Variants in DGKH observed in about 807,000 individuals in gnomAD.
The protein encoded by DGKH is diacylglycerol kinase eta, also known as DAG kinase eta.
DGKH carries 90 observed loss-of-function variants against 159.3 expected under a neutral mutation model. The observed-to-expected ratio is 0.57, with a 90% CI of 0.48 to 0.67. The LOEUF (loss-of-function observed/expected upper bound fraction) is 0.67, where lower values mean the gene tolerates loss of function less well. Among genes scored for constraint, DGKH ranks in the 30% least tolerant of loss-of-function variants. The pLI, the probability that DGKH is intolerant of heterozygous loss-of-function variation, is 0.00. For synonymous variants in DGKH, 536 were observed against 553.8 expected (o/e 0.97, Z 0.45); for missense variants, 1,181 against 1,506.1 (o/e 0.78, Z 3.57).
chr13:42,111,823 C>T (rs1336854444), intron 1 of DGKH, among the ~76,000 whole-genome samples: 1 of 152,216 alleles, frequency 6.6e-6, no homozygotes, highest in African/African-American at 2.4e-5. Flanking sequence ...CAGGTTTGCA[C>T]AGGCTGCAGC....
At chr13:42,225,221 C>T in intron 29 of DGKH, 1 of 1,505,776 alleles carries the variant, frequency 6.6e-7, no homozygotes, top group Non-Finnish European at 9.0e-7. Context: ...CCATGCCCAG[C>T]CAGGAAAGTA....
chr13:42,093,807 T>C (rs970703136), intron 1 of DGKH, among the ~76,000 whole-genome samples: 1 of 152,114 alleles, frequency 6.6e-6, no homozygotes, highest in Non-Finnish European at 1.5e-5. Flanking sequence ...CCTCGAGTAG[T>C]CGAACTTACA....
intron 1 of DGKH, among the ~76,000 whole-genome samples, chr13:42,112,935 C>A (rs1033313579): frequency 1.3e-5 from 2 of 152,214 alleles, no homozygotes; most frequent in African/African-American, 4.8e-5. Context: ...GAGTCCAGTA[C>A]CCATGCAGCT....
chr13:42,107,427 C>T (rs1954780943), intron 1 of DGKH, among the ~76,000 whole-genome samples: 1 of 152,176 alleles, frequency 6.6e-6, no homozygotes, highest in East Asian at 1.9e-4. Flanking sequence ...AGTGGGAGGC[C>T]TTCCATGCCG....
At chr13:42,103,642 C>T (rs925586595) in intron 1 of DGKH, among the ~76,000 whole-genome samples, 2 of 152,196 alleles carry the variant, frequency 1.3e-5, no homozygotes, top group Non-Finnish European at 2.9e-5. Flanking sequence ...CTCCACTTAC[C>T]TCTGATTGGC....
chr13:42,155,769 G>A lies in DGKH; in HGVS notation c.592G>A (p.Gly198Arg). 1 of 1,614,050 alleles carries A rather than the reference G, an allele frequency of 6.2e-7. No homozygotes were observed. Among genetic ancestry groups the A allele is most frequent in the East Asian group, 2.2e-5 (1 of 44,878 alleles). Residue 198 changes from glycine (G) to arginine (R), a missense_variant, in exon 5 of 30, where the codon GGA becomes AGA. Around this residue, in one of 5 missense-constraint regions of DGKH, gnomAD observed 369 missense variants for 519.4 expected, o/e 0.71. Transcript: ENST00000337343. ...TAACGTGTGCAGAGAGAGTCTTTCTGGAGTCACCTCCCATGGCCTGTCCTG... is the reference window on the plus strand; with the variant it reads ...TAACGTGTGCAGAGAGAGTCTTTCTAGAGTCACCTCCCATGGCCTGTCCTG... Reference protein sequence around the residue: ...FCNVCRESLSGVTSHGLSCEV... With the variant: ...FCNVCRESLSRVTSHGLSCEV...
chr13:42,168,939 A>T, intron 11 of DGKH, 121 bp downstream of exon 11: 1 of 1,126,978 alleles, frequency 8.9e-7, no homozygotes, highest in Non-Finnish European at 1.2e-6. Context: ...ACGAAGGCAG[A>T]GCCTTCCTGA....
At chr13:42,180,191 C>T (rs1038880118) in intron 13 of DGKH, among the ~76,000 whole-genome samples, 1 of 152,210 alleles carries the variant, frequency 6.6e-6, no homozygotes, top group Admixed American at 6.5e-5. Flanking sequence ...AGGGCCAGCC[C>T]ATCACTTAGG....
chr13:42,113,233 T>C (rs780553437), intron 1 of DGKH, among the ~76,000 whole-genome samples: 7 of 152,182 alleles, frequency 4.6e-5, no homozygotes, highest in Non-Finnish European at 7.3e-5. Context: ...TAAAGGTGCG[T>C]GGAAAAAGGA....
chr13:42,099,844 G>T (rs1026925969), intron 1 of DGKH, among the ~76,000 whole-genome samples: 1 of 152,182 alleles, frequency 6.6e-6, no homozygotes, highest in Non-Finnish European at 1.5e-5. Context: ...GATGTTTAGG[G>T]TGTACTCCAC....
intron 29 of DGKH, among the ~76,000 whole-genome samples, chr13:42,227,469 A>G (rs1242931637): frequency 6.6e-6 from 1 of 152,196 alleles, no homozygotes; most frequent in Non-Finnish European, 1.5e-5. Flanking sequence ...ATGTTTTCAC[A>G]AAGTGTAAAG....
At chr13:42,076,725 A>G (rs540411602) in intron 1 of DGKH, among the ~76,000 whole-genome samples, 89 of 152,320 alleles carry the variant, frequency 5.8e-4, no homozygotes, top group South Asian at 2.1e-3. Context: ...CCAAGAATAT[A>G]TAAGCAACAG....
intron 1 of DGKH, among the ~76,000 whole-genome samples, chr13:42,076,118 C>A (rs181413167): frequency 5.9e-5 from 9 of 151,912 alleles, no homozygotes; most frequent in African/African-American, 2.2e-4. Flanking sequence ...TAAATAAATT[C>A]CTCAAAATTT....
intron 1 of DGKH, among the ~76,000 whole-genome samples, chr13:42,108,412 A>C (rs1954801253): frequency 6.6e-6 from 1 of 152,282 alleles, no homozygotes; most frequent in South Asian, 2.1e-4. Flanking sequence ...AGGTGAGGTC[A>C]TAGGAAGAGG....
chr13:42,149,004 G>A (rs138165507), intron 3 of DGKH, among the ~76,000 whole-genome samples: 2 of 146,862 alleles, frequency 1.4e-5, no homozygotes, highest in Non-Finnish European at 3.0e-5. Context: ...GAATGCAGTG[G>A]CGTGATCATA....
chr13:42,196,558 G>A (rs1023451526), intron 17 of DGKH, among the ~76,000 whole-genome samples: 1 of 152,190 alleles, frequency 6.6e-6, no homozygotes, highest in Non-Finnish European at 1.5e-5. Flanking sequence ...TATATGAAAT[G>A]CGCAGAATAG....
intron 1 of DGKH, among the ~76,000 whole-genome samples, chr13:42,124,756 AAAAAC>A (rs1955137453): frequency 6.6e-6 from 1 of 152,240 alleles, no homozygotes; most frequent in African/African-American, 2.4e-5. Flanking sequence ...TTGCAATTAT[AAAAAC>A]AAAGGCGGAG....
At chr13:42,181,760 C>G (rs528836069) in intron 13 of DGKH, 1 of 760,836 alleles carries the variant, frequency 1.3e-6, no homozygotes, top group East Asian at 7.0e-5. Context: ...TCTGGACCAT[C>G]AGACCTGGCT....
chr13:42,219,326 A>G lies in DGKH; in HGVS notation c.3310A>G (p.Ile1104Val), dbSNP rs748316174. The G allele has an allele frequency of 3.0e-5, 48 of 1,613,894 alleles. No individual in the cohort carries two copies. Among genetic ancestry groups the G allele is most frequent in the Non-Finnish European group, 3.9e-5 (46 of 1,179,852 alleles). Residue 1104 changes from isoleucine (I) to valine (V), a missense_variant, in exon 27 of 30, where the codon ATC (isoleucine) becomes GTC (valine). This residue lies in a region of DGKH where 335 missense variants were observed against 495.2 expected (regional missense o/e 0.68). Coordinates refer to ENST00000337343, the MANE Select transcript of DGKH (RefSeq NM_178009.5). Reference protein sequence around the residue: ...KLTEIPWLYYILHPNEDEEPP... With the variant: ...KLTEIPWLYYVLHPNEDEEPP... Reference sequence around the variant, plus strand: ...GACAGAGATTCCTTGGCTTTATTATATCTTACACCCAAATGAGGATGAGGT... The same window carrying G: ...GACAGAGATTCCTTGGCTTTATTATGTCTTACACCCAAATGAGGATGAGGT...
Sources: allele counts gnomAD v4.1 joint callset (sites outside exome capture counted in the v4.1 genomes callset), GRCh38; gene constraint gnomAD v4.1.1; regional missense constraint gnomAD v4.1.1; transcripts MANE v1.5; gene names NCBI Gene and HGNC (gene_info 2026-07-23, HGNC 2026-07-21).